RIC1: variants seen among roughly 807,000 people sequenced by gnomAD.
RIC1 encodes guanine nucleotide exchange factor subunit RIC1.
Under a neutral mutation model 169.0 loss-of-function variants are expected in RIC1, and 88 were observed. That is an observed-to-expected ratio of 0.52 (90% CI 0.44 to 0.62). The LOEUF is 0.62. RIC1 is among the 20% of genes least tolerant of loss of function. The pLI, the probability that RIC1 is intolerant of heterozygous loss-of-function variation, is 0.00. For missense variants in RIC1, 1,877 were observed against 1,725.5 expected, an observed-to-expected ratio of 1.09 and a Z score of -1.56; for synonymous variants, 790 against 601.5, an observed-to-expected ratio of 1.31 and a Z score of -4.59.
Position 5,776,097 on chromosome 9 carries a change from C to T in RIC1, c.*1851C>T, listed in dbSNP as rs1276993254. On this transcript the variant is annotated 3_prime_UTR_variant, in exon 26 of 26. Transcript: ENST00000414202. ...CTTTTCAAGTATCTGAAATAAAACACTGTGCTGCTGAGTTCATCTCAAACA... is the reference window on the plus strand; with the variant it reads ...CTTTTCAAGTATCTGAAATAAAACATTGTGCTGCTGAGTTCATCTCAAACA... 6.6e-6 allele frequency: 1 copy of T among 152,128 alleles called. No homozygotes were observed. The highest frequency in any genetic ancestry group is 2.4e-5 in the African/African-American group (1 of 41,444). 9.4% of individuals were successfully genotyped at this position (152,128 alleles called of 1,614,324 possible). A position where few individuals can be genotyped will look rare whatever the true frequency, so the allele number is the denominator to read the frequency against.
At chr9:5,658,107 CTGTGACATTT>C (rs1208090979) in intron 2 of RIC1, among the ~76,000 whole-genome samples, 1 of 152,046 alleles carries the variant, frequency 6.6e-6, no homozygotes. Context: ...TATTGCCATT[CTGTGACATTT>C]TATATTATTT....
chr9:5,746,130 A>C, intron 11 of RIC1, 47 bp downstream of exon 11: 1 of 1,481,044 alleles, frequency 6.8e-7, no homozygotes, highest in Non-Finnish European at 9.3e-7. Context: ...TTGTGTTAGA[A>C]GCTCAGACCC....
At chr9:5,711,013 G>A (rs887800500) in intron 3 of RIC1, among the ~76,000 whole-genome samples, 1 of 152,136 alleles carries the variant, frequency 6.6e-6, no homozygotes, top group Non-Finnish European at 1.5e-5. Flanking sequence ...AACAAAACAT[G>A]TAAATTTCCT....
At chr9:5,749,347 G>A (rs1825584562) in intron 12 of RIC1, among the ~76,000 whole-genome samples, 1 of 152,164 alleles carries the variant, frequency 6.6e-6, no homozygotes, top group Non-Finnish European at 1.5e-5. Flanking sequence ...TATGGTGGCG[G>A]TGTATAGGGC....
rs41280731 is a variant in RIC1 at position 5,747,390 on chromosome 9, C to A, written c.1337C>A (p.Ser446Tyr). 0.011 allele frequency: 18,458 copies of A among 1,613,982 alleles called. 163 individuals carry two copies. The highest frequency in any genetic ancestry group is 0.013 in the Non-Finnish European group (15,156 of 1,179,888). The part of the protein sequence containing the change: ...EASQTQNPRS[S>Y]STHSEHKPSR... The stretch of plus-strand genomic sequence containing the variant: ...TCACAAACCCAGAATCCCAGGAGTT[C>A]TTCAACACACTCTGAGCATAAGCCC... The change falls in exon 12 of 26, where the codon TCT becomes TAT. Residue 446 changes from serine (S) to tyrosine (Y), a missense_variant. Around this residue, in one of 3 missense-constraint regions of RIC1, gnomAD observed 1,104 missense variants for 992.0 expected, o/e 1.11. Coordinates refer to ENST00000414202, the MANE Select transcript of RIC1 (RefSeq NM_020829.4).
rs114768625 is a variant in RIC1 at position 5,642,673 on chromosome 9, C to T, written c.144+13220C>T. Among the ~76,000 whole-genome samples the T allele has an allele frequency of 4.4e-3, 632 of 145,044 alleles. 139 individuals carry two copies. The highest frequency in any genetic ancestry group is 0.017 in the African/African-American group (590 of 35,592). On this transcript the variant is annotated intron_variant, in intron 1 of 25. Transcript: ENST00000414202. The stretch of plus-strand genomic sequence containing the variant: ...GGAGAATCTGCCTCTGTGGCCACCA[C>T]TACCACAGGGCCATAGTGGGTTCTG...
intron 1 of RIC1, among the ~76,000 whole-genome samples, chr9:5,653,624 G>C (rs1025967468): frequency 2.0e-5 from 3 of 151,384 alleles, no homozygotes; most frequent in Non-Finnish European, 4.4e-5. Context: ...TTGAGACGGA[G>C]TTTCACTCTG....
At chr9:5,676,847 C>G (rs758815392) in intron 2 of RIC1, among the ~76,000 whole-genome samples, 1 of 152,200 alleles carries the variant, frequency 6.6e-6, no homozygotes, top group East Asian at 1.9e-4. Flanking sequence ...TTTTGAGATT[C>G]ATCCATTTTG....
At chr9:5,682,642 G>T (rs918990984) in intron 2 of RIC1, among the ~76,000 whole-genome samples, 7 of 152,082 alleles carry the variant, frequency 4.6e-5, no homozygotes, top group African/African-American at 1.7e-4. Context: ...GTGTCTTGGA[G>T]TTGCTCTTCT....
chr9:5,765,375 GT>G (rs766838972), intron 19 of RIC1, 38 bp from the exon 20 acceptor site: 2 of 1,581,422 alleles, frequency 1.3e-6, no homozygotes, highest in Non-Finnish European at 1.7e-6. Flanking sequence ...CCCAAATTGT[GT>G]AGTATAAAAA....
intron 3 of RIC1, among the ~76,000 whole-genome samples, chr9:5,711,389 C>T (rs1432108168): frequency 2.0e-5 from 3 of 152,094 alleles, no homozygotes; most frequent in East Asian, 1.9e-4. Flanking sequence ...AACAGGTAGA[C>T]ATTTTAAGGA....
chr9:5,772,568 T>C lies in RIC1; in HGVS notation c.3621T>C (p.Asp1207=). The C allele has an allele frequency of 6.3e-7, 1 of 1,590,680 alleles. No individual in the cohort carries two copies. Among genetic ancestry groups the C allele is most frequent in the Non-Finnish European group, 8.5e-7 (1 of 1,172,436 alleles). Residue 1207 remains aspartate (D), a synonymous_variant, in exon 24 of 26, where the codon GAT becomes GAC. Coordinates refer to ENST00000414202, the MANE Select transcript of RIC1 (RefSeq NM_020829.4). ...CTTTTGGCAATTCTTCATCAGGTGATGAATGCAGTATTGGTTCAGCCACAG... is the reference window on the plus strand; with the variant it reads ...CTTTTGGCAATTCTTCATCAGGTGACGAATGCAGTATTGGTTCAGCCACAG... The part of the protein sequence containing the change: ...AFLSPLSNKG[D]ECSIGSATDL...
At chr9:5,667,654 C>A (rs2130539894) in intron 2 of RIC1, among the ~76,000 whole-genome samples, 1 of 152,148 alleles carries the variant, frequency 6.6e-6, no homozygotes, top group African/African-American at 2.4e-5. Context: ...TAGGCACGCA[C>A]CACCACGCCT....
intron 2 of RIC1, among the ~76,000 whole-genome samples, chr9:5,661,943 T>G (rs1819476402): frequency 6.6e-6 from 1 of 152,248 alleles, no homozygotes; most frequent in African/African-American, 2.4e-5. Context: ...CTTTTGTCCA[T>G]TCATTATGAT....
At chr9:5,670,490 G>C (rs1820024622) in intron 2 of RIC1, among the ~76,000 whole-genome samples, 1 of 152,100 alleles carries the variant, frequency 6.6e-6, no homozygotes, top group African/African-American at 2.4e-5. Flanking sequence ...TCTAGCTGTT[G>C]GGAGAGTTGG....
At chr9:5,647,980 G>GTGGTGGTGGTGGTGGTGA (rs1818613102) in intron 1 of RIC1, among the ~76,000 whole-genome samples, 18 of 127,416 alleles carry the variant, frequency 1.4e-4, no homozygotes, top group East Asian at 7.2e-4. Context: ...GGTGATGGTG[G>GTGGTGGTGGTGGTGGTGA]TGGTGGTGGT....
chr9:5,677,727 A>G (rs939540084), intron 2 of RIC1, among the ~76,000 whole-genome samples: 1 of 152,104 alleles, frequency 6.6e-6, no homozygotes, highest in Admixed American at 6.5e-5. Flanking sequence ...ACAGGAAAAG[A>G]ATTAGAGCAT....
At chr9:5,664,078 G>C (rs1357954319) in intron 2 of RIC1, among the ~76,000 whole-genome samples, 1 of 152,144 alleles carries the variant, frequency 6.6e-6, no homozygotes, top group Non-Finnish European at 1.5e-5. Flanking sequence ...AGTTTCGCCA[G>C]ATATGAAATT....
intron 1 of RIC1, among the ~76,000 whole-genome samples, chr9:5,641,280 A>G (rs1412688552): frequency 2.0e-5 from 3 of 151,554 alleles, no homozygotes; most frequent in African/African-American, 7.3e-5. Context: ...TTTAGTAGAG[A>G]TGGGGTTTCA....
Sources: allele counts gnomAD v4.1 joint callset (sites outside exome capture counted in the v4.1 genomes callset), GRCh38; gene constraint gnomAD v4.1.1; regional missense constraint gnomAD v4.1.1; transcripts MANE v1.5; gene names NCBI Gene and HGNC (gene_info 2026-07-23, HGNC 2026-07-21).